RAB11FIP3: variants seen among roughly 807,000 people sequenced by gnomAD.
The protein encoded by RAB11FIP3 is RAB11 family interacting protein 3.
A neutral mutation model predicts 77.8 loss-of-function variants in RAB11FIP3; 17 were observed. The ratio of observed to expected loss-of-function variants is 0.22; its 90% CI spans 0.15 to 0.33. The LOEUF is 0.33. RAB11FIP3 is among the 10% of genes least tolerant of loss of function. RAB11FIP3 has a pLI of 1.00. For missense variants in RAB11FIP3, 1,005 were observed against 1,011.2 expected (o/e 0.99, Z 0.08); for synonymous variants, 437 against 448.2 (o/e 0.98, Z 0.31).
chr16:477,762 A>G, intron 3 of RAB11FIP3: 1 of 754,070 alleles, frequency 1.3e-6, no homozygotes, highest in South Asian at 6.0e-5. Flanking sequence ...ACTTCCTTAG[A>G]TTGTAGGGGA....
intron 7 of RAB11FIP3, among the ~76,000 whole-genome samples, chr16:503,820 C>A (rs2031661541): frequency 6.6e-6 from 1 of 151,836 alleles, no homozygotes. Flanking sequence ...GTGGAGGTTG[C>A]AGTGAGCCGA....
rs186329532 is a variant in RAB11FIP3 at position 520,427 on chromosome 16, A to G, written c.2017-32A>G. ...CCCTGCTCAGCCACCAGCAGGGGCC[A>G]CAGCCCAGTAGTGATGTTGCTGTGC... On this transcript the variant is annotated intron_variant, in intron 12 of 13. Coordinates refer to ENST00000262305, the MANE Select transcript of RAB11FIP3 (RefSeq NM_014700.4). The G allele has an allele frequency of 2.9e-3, 4,675 of 1,610,458 alleles. 227 individuals are homozygous for G. The Admixed American group carries it at 0.074, about 26-fold the overall frequency.
At position 426,135 on chromosome 16, in the gene RAB11FIP3, G is replaced by T. The variant is rs1386630533; in HGVS notation, c.129G>T (p.Ala43=). 7.9e-6 allele frequency: 8 copies of T among 1,011,396 alleles called. No homozygotes were observed. Among genetic ancestry groups the T allele is most frequent in the Non-Finnish European group, 9.4e-6 (8 of 848,812 alleles). The allele number at this position is 1,011,396 out of a possible 1,614,324, so 62.7% of individuals were successfully genotyped here. A position where few individuals can be genotyped will look rare whatever the true frequency, so the allele number is the denominator to read the frequency against. ...APGPAELRLG[A]PVGGPDPQSP... Reference sequence around the variant, plus strand: ...GCCCTGCGGAGCTACGCCTCGGAGCGCCCGTCGGCGGCCCCGACCCGCAGT... The same window carrying T: ...GCCCTGCGGAGCTACGCCTCGGAGCTCCCGTCGGCGGCCCCGACCCGCAGT... Residue 43 remains alanine (A), a synonymous_variant, in exon 1 of 14, where the codon GCG becomes GCT. Coordinates refer to ENST00000262305, the MANE Select transcript of RAB11FIP3 (RefSeq NM_014700.4). The surrounding 1 kb of genome is among the most constrained non-coding windows in gnomAD (Gnocchi z 5.0).
rs767686223 is a variant in RAB11FIP3, at chr16:520,877, C to T, written c.*38C>T. ...CCAGCCTGAGCTGGATTCGGGACTC[C>T]AACACCCTGGAGTGGTTCCGTCAGA... On this transcript the variant is annotated 3_prime_UTR_variant, in exon 14 of 14. Transcript: ENST00000262305. The T allele has an allele frequency of 3.6e-5, 56 of 1,548,530 alleles. No individual in the cohort carries two copies. The South Asian group carries it at 5.0e-4, about 14-fold the overall frequency.
rs2032685550 is a variant in RAB11FIP3 at position 521,498 on chromosome 16, A to T, written c.*659A>T. 6.5e-6 allele frequency: 1 copy of T among 153,128 alleles called. No homozygotes were observed. The highest frequency in any genetic ancestry group is 2.4e-5 in the African/African-American group (1 of 41,476). 9.5% of individuals were successfully genotyped at this position (153,128 alleles called of 1,614,324 possible). On this transcript the variant is annotated 3_prime_UTR_variant, in exon 14 of 14. Transcript: ENST00000262305. ...TTGCCCAGCCAGATGTGGTCACCTC[A>T]GTCCAGCTCTGGGGCCTCCAGGCCA...
chr16:521,453 TC>T lies in RAB11FIP3; in HGVS notation c.*617del. ...GCAAGGCTGGTGCGTTCCCCAGCTC[TC>T]CCTACGCTGCTCGGGCCATTGCCCA... On this transcript the variant is annotated 3_prime_UTR_variant, in exon 14 of 14. Transcript: ENST00000262305. The T allele has an allele frequency of 6.4e-6, 1 of 155,424 alleles. No individual in the cohort carries two copies. The highest frequency in any genetic ancestry group is 6.3e-5 in the Admixed American group (1 of 15,856). The allele number at this position is 155,424 out of a possible 1,614,324, so 9.6% of individuals were successfully genotyped here. A position where few individuals can be genotyped will look rare whatever the true frequency, so the allele number is the denominator to read the frequency against.
At chr16:520,680 C>T (rs1456911118) in intron 13 of RAB11FIP3, 46 bp from the exon 14 acceptor site, 3 of 1,611,906 alleles carry the variant, frequency 1.9e-6, no homozygotes, top group Middle Eastern at 1.6e-4. Flanking sequence ...TGCGCTGTGG[C>T]CTGTGGCCCA....
chr16:471,988 A>G lies in RAB11FIP3; in HGVS notation c.903+599A>G, dbSNP rs2055817783. On this transcript the variant is annotated intron_variant, in intron 3 of 13. Transcript: ENST00000262305. The surrounding 1 kb of genome is among the most constrained non-coding windows in gnomAD (Gnocchi z 4.4). The stretch of plus-strand genomic sequence containing the variant: ...CTGCAGCAGAAAATGCATGAAGTTG[A>G]ACTTGAGCCCTTGGGGGCCGCCGGG... Among the ~76,000 whole-genome samples the G allele has an allele frequency of 6.6e-6, 1 of 152,138 alleles. No individual in the cohort carries two copies. Among genetic ancestry groups the G allele is most frequent in the African/African-American group, 2.4e-5 (1 of 41,438 alleles).
chr16:494,868 G>T (rs4984881), intron 5 of RAB11FIP3, among the ~76,000 whole-genome samples: 2,016 of 30,518 alleles, frequency 0.066, 6 homozygotes, highest in Middle Eastern at 0.18. Context: ...CACATGAGCC[G>T]GGGAGGTCGA....
intron 2 of RAB11FIP3, among the ~76,000 whole-genome samples, chr16:467,652 T>A (rs113975856): frequency 2.2e-3 from 101 of 45,222 alleles, no homozygotes; most frequent in African/African-American, 5.9e-3. Flanking sequence ...GAGGAGGTGC[T>A]GGGGCCTCAG....
chr16:505,428 A>C lies in RAB11FIP3; in HGVS notation c.1396-96A>C, dbSNP rs2031819191. On this transcript the variant is annotated intron_variant, in intron 7 of 13. Coordinates refer to ENST00000262305, the MANE Select transcript of RAB11FIP3 (RefSeq NM_014700.4). The surrounding 1 kb of genome is among the most constrained non-coding windows in gnomAD (Gnocchi z 4.0). ...GCTAGGTGGATCTGATTCTGTGCTG[A>C]GAAAATCCCCAGGCGGCCTCCCAGG... 1.1e-6 allele frequency: 1 copy of C among 917,342 alleles called. No individual in the cohort carries two copies. Among genetic ancestry groups the C allele is most frequent in the Non-Finnish European group, 1.6e-6 (1 of 609,878 alleles). The allele number at this position is 917,342 out of a possible 1,614,324, so 56.8% of individuals were successfully genotyped here. A position where few individuals can be genotyped will look rare whatever the true frequency, so the allele number is the denominator to read the frequency against.
intron 1 of RAB11FIP3, among the ~76,000 whole-genome samples, chr16:428,585 C>T (rs2054988786): frequency 6.6e-6 from 1 of 152,086 alleles, no homozygotes; most frequent in Non-Finnish European, 1.5e-5. Flanking sequence ...AAGCAGGATT[C>T]ATCCCCACTT....
chr16:502,957 C>T, intron 6 of RAB11FIP3, 47 bp from the exon 7 acceptor site: 2 of 1,440,444 alleles, frequency 1.4e-6, no homozygotes, highest in South Asian at 1.1e-5. Flanking sequence ...GGAGCATGTC[C>T]TGTGGTTTTT....
chr16:492,360 T>TCCCGGGGGACCCGAGGCCGCCCAGGGCC, intron 5 of RAB11FIP3, among the ~76,000 whole-genome samples: 1 of 25,628 alleles, frequency 3.9e-5, no homozygotes. Flanking sequence ...TTGAAGAGGG[T>TCCCGGGGGACCCGAGGCCGCCCAGGGCC]CTTCCCGGGA....
intron 6 of RAB11FIP3, among the ~76,000 whole-genome samples, chr16:501,099 C>T (rs890068279): frequency 2.6e-4 from 40 of 152,252 alleles, no homozygotes; most frequent in African/African-American, 9.2e-4. Context: ...CTCCTCAGAG[C>T]GTTTATGGGG....
intron 3 of RAB11FIP3, among the ~76,000 whole-genome samples, chr16:477,329 G>C (rs2055935968): frequency 6.6e-6 from 1 of 152,212 alleles, no homozygotes; most frequent in South Asian, 2.1e-4. Flanking sequence ...ACTTTTTAGA[G>C]TCAGCAGCGG....
At position 499,415 on chromosome 16, in the gene RAB11FIP3, C is replaced by T. The variant is rs981063291; in HGVS notation, c.1301+2556C>T. 3.9e-5 allele frequency among the ~76,000 whole-genome samples: 6 copies of T among 152,278 alleles called. No individual in the cohort carries two copies. In the South Asian group the frequency reaches 1.2e-3, roughly 32 times the overall value. ...GAGGCCTCCCGTGCCTAGGATGGGG[C>T]GCAGCCTGCAGTTGGCTGTCACAGC... On this transcript the variant is annotated intron_variant, in intron 6 of 13. Coordinates refer to ENST00000262305, the MANE Select transcript of RAB11FIP3 (RefSeq NM_014700.4).
At position 461,865 on chromosome 16, in the gene RAB11FIP3, C is replaced by G. The variant is rs1472785307; in HGVS notation, c.808+368C>G. Among the ~76,000 whole-genome samples, 2 of 152,208 alleles carry G rather than the reference C, an allele frequency of 1.3e-5. No homozygotes were observed. The highest frequency in any genetic ancestry group is 2.4e-5 in the African/African-American group (1 of 41,454). ...AGGCAGCACTTCGTCGCACTCTCTC[C>G]CCACGTCTCTGTCCATCTCCAGTCT... is the stretch of plus-strand genomic sequence containing the variant. On this transcript the variant is annotated intron_variant, in intron 2 of 13. Transcript: ENST00000262305. This position sits in a 1 kb window ranked among gnomAD's most constrained non-coding sequence, Gnocchi z 4.5.
chr16:473,206 C>T (rs1411632909), intron 3 of RAB11FIP3, among the ~76,000 whole-genome samples: 1 of 152,184 alleles, frequency 6.6e-6, no homozygotes, highest in Non-Finnish European at 1.5e-5. Context: ...TAAAGGCCCA[C>T]GTGGTCTGAA....
Sources: allele counts gnomAD v4.1 joint callset (sites outside exome capture counted in the v4.1 genomes callset), GRCh38; gene constraint gnomAD v4.1.1; non-coding constraint Gnocchi (gnomAD v3.1); transcripts MANE v1.5; gene names NCBI Gene and HGNC (gene_info 2026-07-23, HGNC 2026-07-21).